The following BIN1 variants were observed in gnomAD, a reference collection of about 807,000 sequenced individuals.
The protein encoded by BIN1 is bridging integrator 1, also known as myc box-dependent-interacting protein 1.
A neutral mutation model predicts 82.0 loss-of-function variants in BIN1; 53 were observed. The ratio of observed to expected loss-of-function variants is 0.65; its 90% CI spans 0.52 to 0.81. BIN1 has a LOEUF of 0.81. Ranked by LOEUF, BIN1 falls within the 40% of genes least tolerant of loss-of-function variation. The pLI is 0.00. For missense variants in BIN1, 642 were observed against 784.4 expected, an observed-to-expected ratio of 0.82 and a Z score of 2.17; for synonymous variants, 302 against 328.0, an observed-to-expected ratio of 0.92 and a Z score of 0.86.
Position 127,090,673 on chromosome 2 carries a change from C to T in BIN1, c.85-13967G>A, listed in dbSNP as rs1291858125. 1.3e-5 allele frequency among the ~76,000 whole-genome samples: 2 copies of T among 152,236 alleles called. No homozygotes were observed. The highest frequency in any genetic ancestry group is 6.5e-5 in the Admixed American group (1 of 15,290). On this transcript the variant is annotated intron_variant, in intron 1 of 18. Transcript: ENST00000316724. The surrounding 1 kb of genome is among the most constrained non-coding windows in gnomAD (Gnocchi z 6.4). ...GAGGAGCAGAGCACCAGCCCAGCCC[C>T]AGCCAGGGCACAGCTGTGGGTGGGG...
In BIN1 at chr2:127,053,384, C is replaced by T. The variant is rs764896643; in HGVS notation, c.1263+38G>A. 22 of 1,613,114 alleles carry T rather than the reference C, an allele frequency of 1.4e-5. No individual in the cohort carries two copies. In the South Asian group the frequency reaches 2.3e-4, roughly 17 times the overall value. Reference sequence around the variant, plus strand: ...CCTGGACACATACGGAAGAGTGGCTCCCCCAGGGGCTGGACAAAGAGCAGA... The same window carrying T: ...CCTGGACACATACGGAAGAGTGGCTTCCCCAGGGGCTGGACAAAGAGCAGA... On this transcript the variant is annotated intron_variant, in intron 14 of 18. Coordinates refer to ENST00000316724, the MANE Select transcript of BIN1 (RefSeq NM_139343.3).
chr2:127,062,165 G>A lies in BIN1; in HGVS notation c.807C>T (p.Gly269=). 1.2e-6 allele frequency: 2 copies of A among 1,610,876 alleles called. No homozygotes were observed. The highest frequency in any genetic ancestry group is 1.1e-5 in the South Asian group (1 of 90,136). The change falls in exon 10 of 19, where the codon GGC becomes GGT. Residue 269 remains glycine (G), a synonymous_variant. Coordinates refer to ENST00000316724, the MANE Select transcript of BIN1 (RefSeq NM_139343.3). The part of the protein sequence containing the change: ...LNQNLNDVLV[G]LEKQHGSNTF... ...TGTTGCTCCCGTGTTGCTTCTCCAG[G>A]CCGACCAGCACATCATTGAGGTTCT... is the stretch of plus-strand genomic sequence containing the variant.
rs1684583972 is a variant in BIN1 at position 127,062,152 on chromosome 2, G to A, written c.820C>T (p.His274Tyr). 1.2e-6 allele frequency: 2 copies of A among 1,611,060 alleles called. No individual in the cohort carries two copies. Among genetic ancestry groups the A allele is most frequent in the Non-Finnish European group, 1.7e-6 (2 of 1,178,914 alleles). ...TTGACCGTGAAGGTGTTGCTCCCGT[G>A]TTGCTTCTCCAGGCCGACCAGCACA... ...NDVLVGLEKQ[H>Y]GSNTFTVKAQ... The change falls in exon 10 of 19, where the codon CAC becomes TAC. Residue 274 changes from histidine to tyrosine, a missense_variant. Coordinates refer to ENST00000316724, the MANE Select transcript of BIN1 (RefSeq NM_139343.3).
At chr2:127,086,586 C>T (rs1678196511) in intron 1 of BIN1, among the ~76,000 whole-genome samples, 2 of 151,634 alleles carry the variant, frequency 1.3e-5, no homozygotes, top group African/African-American at 4.8e-5. Context: ...CGGCTCACCG[C>T]AACCTCTGCC....
chr2:127,060,827 G>C (rs1177870121), intron 10 of BIN1, among the ~76,000 whole-genome samples: 2 of 152,188 alleles, frequency 1.3e-5, no homozygotes, highest in African/African-American at 2.4e-5. Context: ...ACTGGCCCCT[G>C]CTGTGGCCAG....
chr2:127,054,316 AC>A (rs1683367326), intron 12 of BIN1: 1 of 420,736 alleles, frequency 2.4e-6, no homozygotes, highest in South Asian at 2.2e-5. Context: ...CGTGGCCGCC[AC>A]CCCGCAGGGC....
In BIN1 at chr2:127,093,960, G is replaced by A. The variant is rs964199823; in HGVS notation, c.84+12900C>T. ...CAGGACGGCCCTAGAGGATACACACGGAGGGCATGGGTGCAGCTAGACACC... is the reference window on the plus strand; with the variant it reads ...CAGGACGGCCCTAGAGGATACACACAGAGGGCATGGGTGCAGCTAGACACC... On this transcript the variant is annotated intron_variant, in intron 1 of 18. Transcript: ENST00000316724. This position sits in a 1 kb window ranked among gnomAD's most constrained non-coding sequence, Gnocchi z 5.7. Among the ~76,000 whole-genome samples the A allele has an allele frequency of 6.6e-6, 1 of 152,140 alleles. No individual in the cohort carries two copies. Among genetic ancestry groups the A allele is most frequent in the South Asian group, 2.1e-4 (1 of 4,830 alleles).
intron 10 of BIN1, chr2:127,060,514 T>C (rs1684298550): frequency 1.9e-6 from 3 of 1,594,566 alleles, no homozygotes; most frequent in Non-Finnish European, 2.6e-6. Flanking sequence ...TAGTGGCACC[T>C]GGGAGCAGGG....
At chr2:127,094,316 C>T (rs1480048962) in intron 1 of BIN1, among the ~76,000 whole-genome samples, 2 of 152,212 alleles carry the variant, frequency 1.3e-5, no homozygotes, top group Admixed American at 6.5e-5. Flanking sequence ...TTTTATCCTC[C>T]GAAGCCTCAC....
chr2:127,068,026 G>T lies in BIN1; in HGVS notation c.612+137C>A. On this transcript the variant is annotated intron_variant, in intron 7 of 18. Coordinates refer to ENST00000316724, the MANE Select transcript of BIN1 (RefSeq NM_139343.3). This position sits in a 1 kb window ranked among gnomAD's most constrained non-coding sequence, Gnocchi z 4.9. ...GACTTCAGGTCTCCTCTGAAGCAGA[G>T]CTCTCCCAGCAGAGGCCTTTGAAAA... The T allele has an allele frequency of 1.1e-6, 1 of 874,674 alleles. No individual in the cohort carries two copies. The highest frequency in any genetic ancestry group is 1.8e-6 in the Non-Finnish European group (1 of 542,154). The allele number at this position is 874,674 out of a possible 1,614,324, so 54.2% of individuals were successfully genotyped here. A position where few individuals can be genotyped will look rare whatever the true frequency, so the allele number is the denominator to read the frequency against.
rs758360325 is a variant in BIN1 at position 127,070,815 on chromosome 2, G to A, written c.167C>T (p.Thr56Met). Residue 56 changes from threonine (T) to methionine (M), a missense_variant and splice_region_variant, in exon 3 of 19, where the codon ACG becomes ATG. Coordinates refer to ENST00000316724, the MANE Select transcript of BIN1 (RefSeq NM_139343.3). ...ATCCTTCTGCAGCCGGGTGCCCTCC[G>A]TCTGCAAAGAGAAGGACAAGGACCA... is the stretch of plus-strand genomic sequence containing the variant. Reference protein sequence around the residue: ...QCVQNFNKQLTEGTRLQKDLR... With the variant: ...QCVQNFNKQLMEGTRLQKDLR... The A allele has an allele frequency of 2.1e-5, 34 of 1,611,788 alleles. No individual in the cohort carries two copies. Among genetic ancestry groups the A allele is most frequent in the African/African-American group, 5.3e-5 (4 of 74,786 alleles).
At position 127,052,344 on chromosome 2, in the gene BIN1, C is replaced by T. The variant is rs200124094; in HGVS notation, c.1282G>A (p.Gly428Ser). ...CTGGGCTCCCCGGAAGGCAGGCTGC[C>T]GGCTGGACTCTCTGTGGGCTGGTAA... ...DLWEPTESPA[G>S]SLPSGEPSAA... The change falls in exon 15 of 19, where the codon GGC (glycine) becomes AGC (serine). Residue 428 changes from glycine to serine, a missense_variant. Gly to Ser is a moderately conservative substitution (Grantham distance 56). Transcript: ENST00000316724. 5.1e-5 allele frequency: 80 copies of T among 1,582,020 alleles called. No individual in the cohort carries two copies. Among genetic ancestry groups the T allele is most frequent in the African/African-American group, 1.1e-4 (8 of 74,430 alleles).
intron 1 of BIN1, among the ~76,000 whole-genome samples, chr2:127,083,490 CT>C (rs1438772040): frequency 6.6e-6 from 1 of 152,206 alleles, no homozygotes; most frequent in Non-Finnish European, 1.5e-5. Flanking sequence ...TACTTCACCC[CT>C]AAATACTCCA....
chr2:127,063,470 C>A, intron 9 of BIN1, 101 bp downstream of exon 9: 1 of 1,286,712 alleles, frequency 7.8e-7, no homozygotes, highest in Non-Finnish European at 1.1e-6. Flanking sequence ...TGTGCTGAAC[C>A]TGGCAGGGAA....
chr2:127,075,602 C>A (rs1558845062), intron 2 of BIN1, among the ~76,000 whole-genome samples: 1 of 152,196 alleles, frequency 6.6e-6, no homozygotes, highest in Non-Finnish European at 1.5e-5. Context: ...TCAGGCTGAG[C>A]CCCTCTGGCA....
At chr2:127,058,470 G>A (rs1223125169) in intron 11 of BIN1, among the ~76,000 whole-genome samples, 6 of 152,152 alleles carry the variant, frequency 3.9e-5, no homozygotes, top group Non-Finnish European at 5.9e-5. Context: ...AGGGCCCGCT[G>A]GGGGCAGGCG....
Position 127,062,917 on chromosome 2 carries a change from C to A in BIN1, c.774+654G>T, listed in dbSNP as rs115349544. On this transcript the variant is annotated intron_variant, in intron 9 of 18. Coordinates refer to ENST00000316724, the MANE Select transcript of BIN1 (RefSeq NM_139343.3). ...GTGAGTCAGGGGAGGCCCCAAGCTG[C>A]TTTTCCTCCTCCGACCCTGGGCCTG... Among the ~76,000 whole-genome samples the A allele has an allele frequency of 1.8e-3, 281 of 152,354 alleles. 1 individual carries two copies. Among genetic ancestry groups the A allele is most frequent in the African/African-American group, 6.6e-3 (273 of 41,594 alleles).
rs1428204668 is a variant in BIN1, at chr2:127,107,098, T to A, written c.-155A>T. Reference sequence around the variant, plus strand: ...GGAGCCAACTGACGGAGGCGGAGCGTGCGCCGGACGGGCGAGCGAGCCAGC... The same window carrying A: ...GGAGCCAACTGACGGAGGCGGAGCGAGCGCCGGACGGGCGAGCGAGCCAGC... On this transcript the variant is annotated 5_prime_UTR_variant, in exon 1 of 19. Coordinates refer to ENST00000316724, the MANE Select transcript of BIN1 (RefSeq NM_139343.3). The surrounding 1 kb of genome is among the most constrained non-coding windows in gnomAD (Gnocchi z 5.9). The A allele has an allele frequency of 2.5e-6, 2 of 795,924 alleles. No homozygotes were observed. The highest frequency in any genetic ancestry group is 3.5e-6 in the Non-Finnish European group (2 of 576,934). 49.3% of individuals were successfully genotyped at this position (795,924 alleles called of 1,614,324 possible).
intron 1 of BIN1, among the ~76,000 whole-genome samples, chr2:127,086,221 T>C (rs368286145): frequency 2.0e-5 from 3 of 152,186 alleles, no homozygotes; most frequent in East Asian, 3.9e-4. Flanking sequence ...ATGCCACACC[T>C]GATCAGTTCC....
Sources: allele counts gnomAD v4.1 joint callset (sites outside exome capture counted in the v4.1 genomes callset), GRCh38; gene constraint gnomAD v4.1.1; non-coding constraint Gnocchi (gnomAD v3.1); transcripts MANE v1.5; gene names NCBI Gene and HGNC (gene_info 2026-07-23, HGNC 2026-07-21).